NPAS3: variants seen among roughly 807,000 people sequenced by gnomAD.
The protein encoded by NPAS3 is neuronal PAS domain-containing protein 3.
A neutral mutation model predicts 73.1 loss-of-function variants in NPAS3; 14 were observed. The ratio of observed to expected loss-of-function variants is 0.19; its 90% confidence interval spans 0.13 to 0.30. The LOEUF is 0.30. Ranked by LOEUF, NPAS3 falls within the 10% of genes least tolerant of loss-of-function variation. NPAS3 has a pLI of 1.00. For missense variants in NPAS3, 1,096 were observed against 1,250.0 expected, an observed-to-expected ratio of 0.88 and a Z score of 1.86; for synonymous variants, 620 against 541.5, an observed-to-expected ratio of 1.14 and a Z score of -2.01.
At chr14:33,493,314 C>T (rs1237203980) in intron 4 of NPAS3, among the ~76,000 whole-genome samples, 1 of 150,968 alleles carries the variant, frequency 6.6e-6, no homozygotes, top group African/African-American at 2.4e-5. Flanking sequence ...GTTCTGTTTG[C>T]TCTCTTAGTC....
intron 4 of NPAS3, among the ~76,000 whole-genome samples, chr14:33,430,514 C>T (rs2048738640): frequency 6.6e-6 from 1 of 151,960 alleles, no homozygotes; most frequent in Non-Finnish European, 1.5e-5. Context: ...AGGATTTTTC[C>T]TTCTCCCCTC....
At chr14:33,799,191 A>T (rs2063605516) in intron 11 of NPAS3, among the ~76,000 whole-genome samples, 1 of 152,090 alleles carries the variant, frequency 6.6e-6, no homozygotes, top group Non-Finnish European at 1.5e-5. Context: ...AGTGAATCAG[A>T]TGGTGGTAAG....
intron 3 of NPAS3, among the ~76,000 whole-genome samples, chr14:33,336,910 C>G (rs1448280280): frequency 6.6e-6 from 1 of 152,038 alleles, no homozygotes; most frequent in Non-Finnish European, 1.5e-5. Flanking sequence ...AAATATTTTG[C>G]CCATTTTTTA....
intron 3 of NPAS3, among the ~76,000 whole-genome samples, chr14:33,301,323 T>TA (rs1555370644): frequency 0.42 from 32,450 of 77,394 alleles, 8,255 homozygotes; most frequent in East Asian, 0.54. Flanking sequence ...TATATATATA[T>TA]TTTTTTTTTT....
rs1420985470 is a variant in NPAS3, at chr14:33,111,279, G to A, written c.140+55285G>A. 3.3e-5 allele frequency among the ~76,000 whole-genome samples: 5 copies of A among 152,182 alleles called. No individual in the cohort carries two copies. The East Asian group carries it at 9.6e-4, about 29-fold the overall frequency. ...AGCCTAACAGGGAGCCGCTCACTGG[G>A]CCCAGAGGCAGTTGGCCAAGTCTCA... On this transcript the variant is annotated intron_variant, in intron 2 of 11. Transcript: ENST00000356141.
intron 3 of NPAS3, among the ~76,000 whole-genome samples, chr14:33,225,101 A>T (rs2047578984): frequency 6.6e-6 from 1 of 152,202 alleles, no homozygotes; most frequent in South Asian, 2.1e-4. Flanking sequence ...AATGCTCAAC[A>T]TTCTAAAGTG....
intron 2 of NPAS3, among the ~76,000 whole-genome samples, chr14:33,058,994 G>A (rs186546269): frequency 6.6e-6 from 1 of 152,350 alleles, no homozygotes; most frequent in Admixed American, 6.5e-5. Flanking sequence ...ATGTGCTAGA[G>A]CCAACTTGGA....
intron 4 of NPAS3, among the ~76,000 whole-genome samples, chr14:33,368,682 T>C (rs1406473725): frequency 6.6e-6 from 1 of 152,238 alleles, no homozygotes; most frequent in African/African-American, 2.4e-5. Flanking sequence ...TGCTATTCTA[T>C]TGTATACATA....
intron 11 of NPAS3, 124 bp downstream of exon 11, chr14:33,797,705 C>A: frequency 1.1e-6 from 1 of 926,912 alleles, no homozygotes; most frequent in Non-Finnish European, 1.7e-6. Flanking sequence ...AGACATATGT[C>A]ACATCAAGTT....
chr14:33,362,009 A>G (rs921638065), intron 3 of NPAS3, among the ~76,000 whole-genome samples: 1 of 152,192 alleles, frequency 6.6e-6, no homozygotes, highest in African/African-American at 2.4e-5. Flanking sequence ...TTTCATATAT[A>G]TATTTCATGT....
chr14:33,116,499 C>T (rs533394264), intron 2 of NPAS3, among the ~76,000 whole-genome samples: 1 of 152,122 alleles, frequency 6.6e-6, no homozygotes, highest in East Asian at 1.9e-4. Context: ...TGCATTTCTT[C>T]CTATTAAATA....
intron 3 of NPAS3, among the ~76,000 whole-genome samples, chr14:33,315,261 T>C (rs2043162474): frequency 6.6e-6 from 1 of 152,088 alleles, no homozygotes; most frequent in Admixed American, 6.6e-5. Flanking sequence ...TAAGACAAAA[T>C]ACAAAACTAT....
chr14:33,767,716 G>A (rs1046774801), intron 7 of NPAS3, among the ~76,000 whole-genome samples: 1 of 147,128 alleles, frequency 6.8e-6, no homozygotes, highest in Non-Finnish European at 1.5e-5. Context: ...ACTTCCTTTT[G>A]TTAAAGAGAA....
At chr14:33,774,301 T>C in intron 7 of NPAS3, 36 bp from the exon 8 acceptor site, 2 of 1,552,922 alleles carry the variant, frequency 1.3e-6, no homozygotes, top group Non-Finnish European at 1.8e-6. Flanking sequence ...GGGATGTAAA[T>C]TTGACTGGTG....
chr14:33,657,789 TAA>T (rs34461549), intron 5 of NPAS3, among the ~76,000 whole-genome samples: 51,623 of 149,572 alleles, frequency 0.35, 9,071 homozygotes, highest in African/African-American at 0.44. Context: ...GCAGATTATG[TAA>T]AAAAAAAAAA....
At chr14:33,626,936 A>C (rs1417781712) in intron 5 of NPAS3, among the ~76,000 whole-genome samples, 1 of 152,138 alleles carries the variant, frequency 6.6e-6, no homozygotes, top group Non-Finnish European at 1.5e-5. Flanking sequence ...CTATACTCAA[A>C]ACTTCTTTCA....
chr14:33,762,871 G>A (rs1006484238), intron 7 of NPAS3, among the ~76,000 whole-genome samples: 3 of 152,166 alleles, frequency 2.0e-5, no homozygotes, highest in African/African-American at 7.2e-5. Context: ...TGTCAGTGCC[G>A]TGGGGTCTTT....
chr14:33,445,177 T>A (rs554552622), intron 4 of NPAS3, among the ~76,000 whole-genome samples: 8 of 152,342 alleles, frequency 5.3e-5, no homozygotes, highest in African/African-American at 1.7e-4. Flanking sequence ...CATGCATGAG[T>A]CACATCGCTC....
intron 2 of NPAS3, among the ~76,000 whole-genome samples, chr14:33,135,261 A>G (rs10132545): frequency 0.28 from 41,976 of 151,976 alleles, 6,049 homozygotes; most frequent in East Asian, 0.36. Flanking sequence ...ATTCGGACAA[A>G]CCAATGTTGA....
Sources: allele counts gnomAD v4.1 joint callset (sites outside exome capture counted in the v4.1 genomes callset), GRCh38; gene constraint gnomAD v4.1.1; transcripts MANE v1.5; gene names NCBI Gene and HGNC (gene_info 2026-07-23, HGNC 2026-07-21).